PARP15: variants seen among roughly 807,000 people sequenced by gnomAD.
The protein encoded by PARP15 is poly(ADP-ribose) polymerase family member 15.
Under a neutral mutation model 62.1 loss-of-function variants are expected in PARP15, and 50 were observed. The observed-to-expected ratio is 0.81, with a 90% CI of 0.64 to 1.02. The LOEUF is 1.02. Ranked by LOEUF, PARP15 falls within the 50% of genes least tolerant of loss-of-function variation. The probability of loss-of-function intolerance (pLI) is 0.00; values close to 1 mark genes in which losing one functional copy is unlikely to be tolerated. For missense variants in PARP15, 820 were observed against 826.5 expected, an observed-to-expected ratio of 0.99 and a Z score of 0.10; for synonymous variants, 309 against 293.1, an observed-to-expected ratio of 1.05 and a Z score of -0.55.
intron 1 of PARP15, among the ~76,000 whole-genome samples, chr3:122,584,573 C>CTTTTTTTTTTTTTTTTTT (rs377394521): frequency 7.3e-5 from 10 of 136,920 alleles, no homozygotes; most frequent in South Asian, 2.2e-4. Flanking sequence ...CCATTTCTTT[C>CTTTTTTTTTTTTTTTTTT]CTTTTTTTTT....
At chr3:122,581,718 C>T (rs563163169) in intron 1 of PARP15, among the ~76,000 whole-genome samples, 1 of 152,194 alleles carries the variant, frequency 6.6e-6, no homozygotes, top group South Asian at 2.1e-4. Flanking sequence ...TGATTGTTTC[C>T]TTTGCTATGC....
At chr3:122,621,353 C>A (rs1470188280) in intron 7 of PARP15, 91 bp from the exon 8 acceptor site, 1 of 1,367,856 alleles carries the variant, frequency 7.3e-7, no homozygotes, top group Non-Finnish European at 9.9e-7. Flanking sequence ...ACAGCCTTCA[C>A]GGATGTCAGC....
chr3:122,578,051 GT>G (rs765157695), intron 1 of PARP15, among the ~76,000 whole-genome samples, 198 bp downstream of exon 1: 770 of 58,840 alleles, frequency 0.013, 4 homozygotes, highest in African/African-American at 0.021. Context: ...ATTTCTGGTG[GT>G]TTTTTTTTTT....
intron 1 of PARP15, among the ~76,000 whole-genome samples, chr3:122,599,484 T>C (rs1934620267): frequency 6.6e-6 from 1 of 152,210 alleles, no homozygotes; most frequent in Non-Finnish European, 1.5e-5. Flanking sequence ...CTCTCTCTCT[T>C]TCTTTTTCTT....
intron 8 of PARP15, among the ~76,000 whole-genome samples, chr3:122,623,903 C>A (rs6788800): frequency 4.6e-5 from 7 of 151,918 alleles, no homozygotes; most frequent in Admixed American, 4.6e-4. Flanking sequence ...TAGCACTTTG[C>A]GGGGCTGAGG....
At chr3:122,585,639 A>G (rs1436911380) in intron 1 of PARP15, among the ~76,000 whole-genome samples, 1 of 152,176 alleles carries the variant, frequency 6.6e-6, no homozygotes, top group East Asian at 1.9e-4. Flanking sequence ...CAACTGAAAA[A>G]CAACTTACAA....
At chr3:122,581,050 A>G (rs1312624304) in intron 1 of PARP15, among the ~76,000 whole-genome samples, 1 of 152,222 alleles carries the variant, frequency 6.6e-6, no homozygotes, top group African/African-American at 2.4e-5. Context: ...ACTATACCAT[A>G]TAGCCTAAGT....
At chr3:122,622,856 A>T (rs1936435554) in intron 8 of PARP15, among the ~76,000 whole-genome samples, 1 of 152,192 alleles carries the variant, frequency 6.6e-6, no homozygotes, top group African/African-American at 2.4e-5. Context: ...AAGTATTAAT[A>T]GTATGTAGCC....
chr3:122,623,104 G>A (rs60594492), intron 8 of PARP15, among the ~76,000 whole-genome samples: 5,400 of 152,150 alleles, frequency 0.035, 304 homozygotes, highest in African/African-American at 0.12. Flanking sequence ...TTTTGCTATC[G>A]GCGGTAATGA....
intron 1 of PARP15, among the ~76,000 whole-genome samples, chr3:122,579,253 C>A (rs2080749411): frequency 6.6e-6 from 1 of 152,084 alleles, no homozygotes; most frequent in South Asian, 2.1e-4. Flanking sequence ...TTCAATTTTT[C>A]TTTTTTCTCA....
intron 3 of PARP15, 149 bp from the exon 4 acceptor site, chr3:122,612,892 C>T: frequency 1.5e-6 from 1 of 667,592 alleles, no homozygotes; most frequent in Non-Finnish European, 2.6e-6. Flanking sequence ...GTACTCTGCC[C>T]TGTTTTTGTT....
At chr3:122,595,269 G>T (rs935164963) in intron 1 of PARP15, among the ~76,000 whole-genome samples, 3 of 151,520 alleles carry the variant, frequency 2.0e-5, no homozygotes, top group Non-Finnish European at 4.4e-5. Flanking sequence ...AAAATTTCTT[G>T]ATCGAAATTT....
chr3:122,588,172 G>A (rs960858966), intron 1 of PARP15, among the ~76,000 whole-genome samples: 3 of 151,994 alleles, frequency 2.0e-5, no homozygotes, highest in Non-Finnish European at 4.4e-5. Context: ...GATCATGTTA[G>A]TGTCTTGAGA....
At position 122,638,314 on chromosome 3, in the gene PARP15, C is replaced by T. The variant is rs1188247417; in HGVS notation, c.*2214C>T. ...ATTTATAATCCTTTGGGTATATACC[C>T]AGTAATGGGATTGCTGGGTCAAATG... On this transcript the variant is annotated 3_prime_UTR_variant, in exon 12 of 12. Coordinates refer to ENST00000464300, the MANE Select transcript of PARP15 (RefSeq NM_001113523.3). The T allele has an allele frequency of 1.3e-5, 2 of 152,036 alleles. No homozygotes were observed. The highest frequency in any genetic ancestry group is 4.8e-5 in the African/African-American group (2 of 41,348). 9.4% of individuals were successfully genotyped at this position (152,036 alleles called of 1,614,324 possible).
rs1054396249 is a variant in PARP15 at position 122,580,041 on chromosome 3, G to A, written c.186+2188G>A. On this transcript the variant is annotated intron_variant, in intron 1 of 11. Transcript: ENST00000464300. ...TATATATATATATATATATATGCAC[G>A]CGCGCACACACACACACAGAGACAT... 1.1e-3 allele frequency among the ~76,000 whole-genome samples: 118 copies of A among 103,042 alleles called. 2 individuals are homozygous for A. Among genetic ancestry groups the A allele is most frequent in the African/African-American group, 3.7e-3 (105 of 28,344 alleles). The allele number at this position is 103,042 out of a possible 152,430, so 67.6% of individuals were successfully genotyped here. A position where few individuals can be genotyped will look rare whatever the true frequency, so the allele number is the denominator to read the frequency against.
At chr3:122,605,557 G>A (rs1191604785) in intron 1 of PARP15, among the ~76,000 whole-genome samples, 1 of 152,060 alleles carries the variant, frequency 6.6e-6, no homozygotes, top group Non-Finnish European at 1.5e-5. Context: ...CACCTATAAG[G>A]AAAGTTTACT....
intron 6 of PARP15, among the ~76,000 whole-genome samples, chr3:122,618,431 G>T (rs1243790619): frequency 1.3e-5 from 2 of 152,206 alleles, no homozygotes; most frequent in Non-Finnish European, 2.9e-5. Context: ...CTAGCCAAGG[G>T]TGGTAACTGC....
rs1287893499 is a variant in PARP15 at position 122,615,941 on chromosome 3, C to A, written c.850+84C>A. ...GTAGTTGAAGTCCAGTAGAAGTAGGCAAAGCTAATTCACATGAAGAACAAA... is the reference window on the plus strand; with the variant it reads ...GTAGTTGAAGTCCAGTAGAAGTAGGAAAAGCTAATTCACATGAAGAACAAA... On this transcript the variant is annotated intron_variant, in intron 5 of 11. Coordinates refer to ENST00000464300, the MANE Select transcript of PARP15 (RefSeq NM_001113523.3). 6.8e-6 allele frequency: 9 copies of A among 1,323,302 alleles called. No individual in the cohort carries two copies. In the East Asian group the frequency reaches 1.4e-4, roughly 21 times the overall value. 82.0% of individuals were successfully genotyped at this position (1,323,302 alleles called of 1,614,324 possible).
At chr3:122,632,268 TA>T in intron 10 of PARP15, 49 bp downstream of exon 10, 1 of 1,553,516 alleles carries the variant, frequency 6.4e-7, no homozygotes, top group Non-Finnish European at 8.8e-7. Context: ...TGAACTAACA[TA>T]AAAGCTATCT....
Sources: gnomAD v4.1 joint callset for allele counts (sites outside exome capture counted in the v4.1 genomes callset) on GRCh38, gnomAD v4.1.1 for gene constraint, MANE v1.5 for transcripts, NCBI Gene and HGNC (gene_info 2026-07-23, HGNC 2026-07-21) for gene names.